Variants in LRRC72 observed in about 807,000 individuals in gnomAD.
The protein encoded by LRRC72 is leucine rich repeat containing 72, also known as leucine-rich repeat-containing protein 72.
In LRRC72, 41 loss-of-function variants were observed where a neutral mutation model predicts 35.8. That is an observed-to-expected ratio of 1.15 (90% confidence interval 0.89 to 1.49). The LOEUF (loss-of-function observed/expected upper bound fraction) is 1.49, where lower values mean the gene tolerates loss of function less well. LRRC72 is among the 40% of genes most tolerant of loss of function. LRRC72 has a pLI of 0.00. For synonymous variants in LRRC72, 118 were observed against 119.2 expected (o/e 0.99, Z 0.07); for missense variants, 389 against 330.7 (o/e 1.18, Z -1.37).
chr7:16,552,802 T>G (rs1171391608), intron 3 of LRRC72, among the ~76,000 whole-genome samples: 1 of 152,146 alleles, frequency 6.6e-6, no homozygotes, highest in African/African-American at 2.4e-5. Flanking sequence ...AGTCTGAGAA[T>G]GAGCTGCGCT....
chr7:16,544,445 T>C (rs1583639583), intron 3 of LRRC72, among the ~76,000 whole-genome samples: 1 of 152,206 alleles, frequency 6.6e-6, no homozygotes, highest in East Asian at 1.9e-4. Context: ...GATCATGTTT[T>C]CCTAACACCC....
At chr7:16,542,242 C>G (rs1171012037) in intron 3 of LRRC72, among the ~76,000 whole-genome samples, 1 of 152,100 alleles carries the variant, frequency 6.6e-6, no homozygotes, top group Non-Finnish European at 1.5e-5. Flanking sequence ...TGCACCTGCG[C>G]TTAGAAAGGG....
chr7:16,570,119 T>C (rs1013974377), intron 7 of LRRC72, among the ~76,000 whole-genome samples: 2 of 152,238 alleles, frequency 1.3e-5, no homozygotes, highest in African/African-American at 4.8e-5. Context: ...ACGAGTTCAT[T>C]GGTGGAGATT....
intron 3 of LRRC72, among the ~76,000 whole-genome samples, chr7:16,540,582 CTG>C (rs573356890): frequency 7.9e-5 from 12 of 152,138 alleles, no homozygotes; most frequent in Non-Finnish European, 1.8e-4. Context: ...TGGTTTGGCT[CTG>C]TGTCTCCACC....
At chr7:16,546,958 G>T (rs996425187) in intron 3 of LRRC72, among the ~76,000 whole-genome samples, 4 of 152,184 alleles carry the variant, frequency 2.6e-5, no homozygotes, top group African/African-American at 9.7e-5. Flanking sequence ...GCAGCAGGGA[G>T]GTATGGACAG....
intron 4 of LRRC72, among the ~76,000 whole-genome samples, chr7:16,558,467 G>C (rs1193030763): frequency 6.6e-6 from 1 of 152,044 alleles, no homozygotes; most frequent in Non-Finnish European, 1.5e-5. Context: ...AAAATGAGCT[G>C]GGCATGGTGG....
At chr7:16,534,300 G>C (rs1054750392) in intron 2 of LRRC72, among the ~76,000 whole-genome samples, 9 of 152,060 alleles carry the variant, frequency 5.9e-5, no homozygotes, top group African/African-American at 1.7e-4. Context: ...TCCTTTGACT[G>C]GCCTCACCTT....
At chr7:16,556,362 T>A (rs375966107) in intron 3 of LRRC72, among the ~76,000 whole-genome samples, 1 of 152,178 alleles carries the variant, frequency 6.6e-6, no homozygotes, top group African/African-American at 2.4e-5. Flanking sequence ...TTCAAGTGAT[T>A]AACTGTACAA....
intron 3 of LRRC72, among the ~76,000 whole-genome samples, chr7:16,540,655 T>C (rs1782341011): frequency 6.6e-6 from 1 of 152,104 alleles, no homozygotes; most frequent in Non-Finnish European, 1.5e-5. Flanking sequence ...GGGAGGTGAT[T>C]GGATCATGGG....
chr7:16,558,787 T>A, intron 4 of LRRC72, 102 bp from the exon 5 acceptor site: 1 of 501,102 alleles, frequency 2.0e-6, no homozygotes, highest in Non-Finnish European at 3.2e-6. Flanking sequence ...CCTTTTTAGT[T>A]AGCATGTTAA....
chr7:16,565,208 G>A (rs1005210544), intron 5 of LRRC72, among the ~76,000 whole-genome samples: 3 of 152,184 alleles, frequency 2.0e-5, no homozygotes, highest in Non-Finnish European at 4.4e-5. Flanking sequence ...GCCAAGGTGG[G>A]CGGATCACGA....
chr7:16,579,845 T>TA (rs1447091826), intron 7 of LRRC72, among the ~76,000 whole-genome samples: 13 of 152,136 alleles, frequency 8.5e-5, no homozygotes, highest in African/African-American at 2.4e-5. Context: ...TGTATTGTAT[T>TA]AAAAAAATTT....
intron 1 of LRRC72, among the ~76,000 whole-genome samples, chr7:16,527,780 C>T (rs73295283): frequency 6.6e-6 from 1 of 152,052 alleles, no homozygotes; most frequent in Non-Finnish European, 1.5e-5. Flanking sequence ...CTTGTGCCTG[C>T]GTGTTGCATG....
At chr7:16,541,349 G>A (rs1782353405) in intron 3 of LRRC72, among the ~76,000 whole-genome samples, 2 of 152,184 alleles carry the variant, frequency 1.3e-5, no homozygotes, top group South Asian at 4.1e-4. Flanking sequence ...CTGTCAAGTA[G>A]TAAGTCCAGA....
intron 3 of LRRC72, among the ~76,000 whole-genome samples, chr7:16,538,610 G>T (rs1236012431): frequency 6.6e-6 from 1 of 152,180 alleles, no homozygotes; most frequent in Admixed American, 6.5e-5. Context: ...GTACATCCCA[G>T]TTGCTACCAG....
chr7:16,544,977 T>C (rs1782421578), intron 3 of LRRC72, among the ~76,000 whole-genome samples: 1 of 152,188 alleles, frequency 6.6e-6, no homozygotes. Flanking sequence ...AATTGAGATA[T>C]TTATAATAAC....
intron 2 of LRRC72, among the ~76,000 whole-genome samples, chr7:16,533,310 A>G (rs947588687): frequency 7.2e-5 from 11 of 152,140 alleles, no homozygotes; most frequent in Non-Finnish European, 1.5e-4. Flanking sequence ...GGTGGCAGAC[A>G]ACAAATTGGG....
intron 5 of LRRC72, among the ~76,000 whole-genome samples, chr7:16,562,558 G>A (rs1288712236): frequency 1.3e-5 from 2 of 152,224 alleles, no homozygotes; most frequent in East Asian, 3.9e-4. Context: ...CTTGGGAACA[G>A]GGAGTTCCTC....
At chr7:16,569,431 A>C (rs1225801329) in intron 7 of LRRC72, among the ~76,000 whole-genome samples, 3 of 152,172 alleles carry the variant, frequency 2.0e-5, no homozygotes, top group Non-Finnish European at 4.4e-5. Context: ...ACAAAAAAAC[A>C]AGGACAGGTC....
Sources: gnomAD v4.1 joint callset for allele counts (sites outside exome capture counted in the v4.1 genomes callset) on GRCh38, gnomAD v4.1.1 for gene constraint, MANE v1.5 for transcripts, NCBI Gene and HGNC (gene_info 2026-07-23, HGNC 2026-07-21) for gene names.